The following GAB2 variants were observed in gnomAD, a reference collection of about 807,000 sequenced individuals.
GAB2 encodes GRB2 associated binding protein 2, also known as GRB2-associated-binding protein 2.
GAB2 carries 26 observed loss-of-function variants against 65.5 expected under a neutral mutation model. The observed-to-expected ratio is 0.40, with a 90% confidence interval of 0.29 to 0.55. The LOEUF is 0.55. GAB2 is among the 20% of genes least tolerant of loss of function. The pLI is 0.53. For missense variants in GAB2, 884 were observed against 875.8 expected, an observed-to-expected ratio of 1.01 and a Z score of -0.12; for synonymous variants, 321 against 329.6, an observed-to-expected ratio of 0.97 and a Z score of 0.28.
rs1864284780 is a variant in GAB2, at chr11:78,219,033, G to C, written c.*239C>G. 2.0e-6 allele frequency: 1 copy of C among 508,400 alleles called. No homozygotes were observed. Among genetic ancestry groups the C allele is most frequent in the Non-Finnish European group, 3.5e-6 (1 of 286,060 alleles). 31.5% of individuals were successfully genotyped at this position (508,400 alleles called of 1,614,324 possible). On this transcript the variant is annotated 3_prime_UTR_variant, in exon 10 of 10. Coordinates refer to ENST00000361507, the MANE Select transcript of GAB2 (RefSeq NM_080491.3). ...GTAGCTCCTAACTAAGGTGGGTGGA[G>C]GCATGGCCATTACTGATAAAAATCA...
intron 1 of GAB2, among the ~76,000 whole-genome samples, chr11:78,298,799 G>A (rs1404823237): frequency 6.6e-6 from 1 of 152,192 alleles, no homozygotes; most frequent in African/African-American, 2.4e-5. Flanking sequence ...GACAAATGAT[G>A]CCCAGGAATA....
At position 78,412,983 on chromosome 11, in the gene GAB2, T is replaced by G. The variant is rs1459703766; in HGVS notation, c.75+4663A>C. 2.0e-5 allele frequency among the ~76,000 whole-genome samples: 3 copies of G among 152,148 alleles called. No individual in the cohort carries two copies. The East Asian group carries it at 5.8e-4, about 29-fold the overall frequency. ...TGGTGACAGATTAGATGTGGGATAG[T>G]GGGTGACGGGGAGTCAAAGATGATG... On this transcript the variant is annotated intron_variant, in intron 1 of 9. Transcript: ENST00000361507.
chr11:78,323,167 G>A (rs1350776591), intron 1 of GAB2, among the ~76,000 whole-genome samples: 3 of 152,082 alleles, frequency 2.0e-5, no homozygotes, highest in Admixed American at 2.0e-4. Context: ...ATACTTTGCA[G>A]CAGCATGTAT....
intron 2 of GAB2, among the ~76,000 whole-genome samples, chr11:78,261,077 A>G (rs199803001): frequency 5.9e-5 from 9 of 151,594 alleles, no homozygotes; most frequent in South Asian, 2.1e-4. Context: ...GTATATATAT[A>G]TGTGTGTGTG....
intron 1 of GAB2, among the ~76,000 whole-genome samples, chr11:78,291,227 C>T (rs906222042): frequency 2.1e-5 from 3 of 142,632 alleles, no homozygotes; most frequent in South Asian, 2.1e-4. Flanking sequence ...CCGAGGCAGG[C>T]AGATCACGAG....
In GAB2 at chr11:78,251,328, G is replaced by C. The variant is rs1057125916; in HGVS notation, c.377-928C>G. On this transcript the variant is annotated intron_variant, in intron 2 of 9. Coordinates refer to ENST00000361507, the MANE Select transcript of GAB2 (RefSeq NM_080491.3). ...TGGCCTCCTAAGACCTCCAAGGACA[G>C]TTACATTCCCCACTGCCTACCACTC... Among the ~76,000 whole-genome samples, 25 of 152,266 alleles carry C rather than the reference G, an allele frequency of 1.6e-4. 2 individuals carry two copies. Among genetic ancestry groups the C allele is most frequent in the Admixed American group, 1.2e-3 (18 of 15,282 alleles).
chr11:78,409,662 A>G (rs1857101828), intron 1 of GAB2, among the ~76,000 whole-genome samples: 1 of 152,236 alleles, frequency 6.6e-6, no homozygotes, highest in Admixed American at 6.5e-5. Flanking sequence ...AATATTCACA[A>G]TTATAGTTGG....
intron 3 of GAB2, among the ~76,000 whole-genome samples, chr11:78,242,332 C>G (rs1230563785): frequency 6.6e-6 from 1 of 152,048 alleles, no homozygotes; most frequent in Non-Finnish European, 1.5e-5. Context: ...GAAACCCCAT[C>G]TCTACTAAAA....
In GAB2 at chr11:78,417,712, G is replaced by A. The variant is rs1468002181; in HGVS notation, c.9C>T (p.Gly3=). ...AGCCGGTGCACACCACGTCGCCGCC[G>A]CCGCTCATGCTGCCGGCCTGGAGCC... MS[G]GGDVVCTGWL... The change falls in exon 1 of 10, where the codon GGC becomes GGT. Residue 3 remains glycine, a synonymous_variant. Transcript: ENST00000361507. The A allele has an allele frequency of 2.2e-6, 3 of 1,337,172 alleles. No homozygotes were observed. Among genetic ancestry groups the A allele is most frequent in the African/African-American group, 1.5e-5 (1 of 64,666 alleles). 82.8% of individuals were successfully genotyped at this position (1,337,172 alleles called of 1,614,324 possible).
chr11:78,365,432 G>A (rs1856483994), intron 1 of GAB2, among the ~76,000 whole-genome samples: 1 of 152,196 alleles, frequency 6.6e-6, no homozygotes, highest in African/African-American at 2.4e-5. Flanking sequence ...GATTTAGAGG[G>A]CAGTGCTAAT....
intron 1 of GAB2, chr11:78,341,911 G>A: frequency 3.0e-6 from 3 of 984,396 alleles, no homozygotes; most frequent in Non-Finnish European, 3.6e-6. Context: ...ATGGCTAAGT[G>A]CAATGTTTAA....
rs751533828 is a variant in GAB2 at position 78,267,857 on chromosome 11, C to CAAAAAAA, written c.376+12737_376+12743dup. Among the ~76,000 whole-genome samples the CAAAAAAA allele has an allele frequency of 4.9e-4, 16 of 32,792 alleles. 1 individual carries two copies. The highest frequency in any genetic ancestry group is 1.6e-3 in the East Asian group (1 of 614). 21.5% of individuals were successfully genotyped at this position (32,792 alleles called of 152,430 possible). ...TGGGTGATAGAGCGAGACTCCGTCTCAAAAAAAAAAAAAAAAAAAAAAAAG... is the reference window on the plus strand; with the variant it reads ...TGGGTGATAGAGCGAGACTCCGTCTCAAAAAAAAAAAAAAAAAAAAAAAAAAAAAAAG... On this transcript the variant is annotated intron_variant, in intron 2 of 9. Coordinates refer to ENST00000361507, the MANE Select transcript of GAB2 (RefSeq NM_080491.3).
intron 8 of GAB2, 145 bp downstream of exon 8, chr11:78,221,532 A>G: frequency 2.2e-6 from 1 of 458,258 alleles, no homozygotes; most frequent in Non-Finnish European, 4.1e-6. Flanking sequence ...GTGCTCAAGA[A>G]GGGTTTGTAG....
chr11:78,222,129 A>G lies in GAB2; in HGVS notation c.1634T>C (p.Ile545Thr). 1 of 1,613,318 alleles carries G rather than the reference A, an allele frequency of 6.2e-7. No homozygotes were observed. The highest frequency in any genetic ancestry group is 8.5e-7 in the Non-Finnish European group (1 of 1,179,272). ...CTTGGCCCTAGACCAAGACTTGGTG[A>G]TAGGTGACTTGAAGGGGAGTTCATC... The part of the protein sequence containing the change: ...VIDELPFKSP[I>T]TKSWSRANHT... The change falls in exon 7 of 10, where the codon ATC becomes ACC. Residue 545 changes from isoleucine (I) to threonine (T), a missense_variant. By Grantham distance (89) the Ile-to-Thr change is moderately conservative. Transcript: ENST00000361507.
chr11:78,357,383 G>A (rs1224560091), intron 1 of GAB2, among the ~76,000 whole-genome samples: 1 of 152,108 alleles, frequency 6.6e-6, no homozygotes, highest in Non-Finnish European at 1.5e-5. Context: ...GGTTCCAAAA[G>A]CAATGGCAAC....
chr11:78,409,627 A>T (rs540761700), intron 1 of GAB2, among the ~76,000 whole-genome samples: 1 of 152,302 alleles, frequency 6.6e-6, no homozygotes, highest in South Asian at 2.1e-4. Flanking sequence ...AAACAAAAAC[A>T]GATATAAGTG....
rs1275647278 is a variant in GAB2, at chr11:78,270,113, G to A, written c.376+10488C>T. On this transcript the variant is annotated intron_variant, in intron 2 of 9. Coordinates refer to ENST00000361507, the MANE Select transcript of GAB2 (RefSeq NM_080491.3). ...GAAGGCCAAGGCGGGTGGATCACGA[G>A]ATCAGGAGATCAATATCATCCTGGC... is the stretch of plus-strand genomic sequence containing the variant. Among the ~76,000 whole-genome samples, 5 of 152,240 alleles carry A rather than the reference G, an allele frequency of 3.3e-5. No individual in the cohort carries two copies. In the South Asian group the frequency reaches 8.3e-4, roughly 25 times the overall value.
rs144234924 is a variant in GAB2, at chr11:78,397,251, C to G, written c.75+20395G>C. Among the ~76,000 whole-genome samples the G allele has an allele frequency of 3.6e-3, 542 of 151,952 alleles. 4 individuals carry two copies. Among genetic ancestry groups the G allele is most frequent in the African/African-American group, 0.012 (488 of 41,484 alleles). On this transcript the variant is annotated intron_variant, in intron 1 of 9. Transcript: ENST00000361507. ...CAATTCCAGTTCAAACTCTTTTTTT[C>G]GCCAAGGCAATATAACCAATCCTGA...
intron 2 of GAB2, among the ~76,000 whole-genome samples, chr11:78,259,125 T>G (rs953012364): frequency 6.6e-6 from 1 of 152,208 alleles, no homozygotes; most frequent in Non-Finnish European, 1.5e-5. Flanking sequence ...ACATGTGGTA[T>G]TTGGTCTGGA....
Sources: gnomAD v4.1 joint callset for allele counts (sites outside exome capture counted in the v4.1 genomes callset) on GRCh38, gnomAD v4.1.1 for gene constraint, MANE v1.5 for transcripts, NCBI Gene and HGNC (gene_info 2026-07-23, HGNC 2026-07-21) for gene names.